Variants in WWOX observed in about 807,000 individuals in gnomAD.
WWOX encodes the protein WW domain-containing oxidoreductase.
A neutral mutation model predicts 46.2 loss-of-function variants in WWOX; 69 were observed. That is an observed-to-expected ratio of 1.49 (90% CI 1.23 to 1.82). WWOX has a LOEUF of 1.82. WWOX is among the 40% of genes most tolerant of loss of function. The pLI is 0.00. For synonymous variants in WWOX, 359 were observed against 202.6 expected (o/e 1.77, Z -6.56); for missense variants, 919 against 542.6 (o/e 1.69, Z -6.89).
At chr16:78,108,118 G>C (rs1597207233) in intron 1 of WWOX, among the ~76,000 whole-genome samples, 1 of 151,546 alleles carries the variant, frequency 6.6e-6, no homozygotes, top group Admixed American at 6.6e-5. Context: ...GGTAGAGACA[G>C]GGTTTCACCA....
chr16:78,225,952 A>G (rs981775014), intron 5 of WWOX, among the ~76,000 whole-genome samples: 1 of 152,230 alleles, frequency 6.6e-6, no homozygotes, highest in Non-Finnish European at 1.5e-5. Flanking sequence ...CTTTAAAAAT[A>G]GTTCTAGTAC....
chr16:78,660,154 A>G (rs892616083), intron 8 of WWOX, among the ~76,000 whole-genome samples: 7 of 152,044 alleles, frequency 4.6e-5, no homozygotes, highest in African/African-American at 7.2e-5. Flanking sequence ...TCTGTTTACT[A>G]TTGTGGACTG....
intron 8 of WWOX, among the ~76,000 whole-genome samples, chr16:78,970,332 T>C (rs12716865): frequency 0.64 from 98,055 of 152,082 alleles, 31,886 homozygotes; most frequent in African/African-American, 0.72. Context: ...CATTTGGACT[T>C]TCTCTAGTTC....
chr16:78,183,202 C>T (rs559168991), intron 5 of WWOX, among the ~76,000 whole-genome samples: 1 of 152,152 alleles, frequency 6.6e-6, no homozygotes, highest in East Asian at 1.9e-4. Flanking sequence ...TGGAGACAGA[C>T]ACGTAAATTA....
intron 8 of WWOX, among the ~76,000 whole-genome samples, chr16:78,813,549 G>A (rs1221015263): frequency 6.6e-6 from 1 of 152,136 alleles, no homozygotes; most frequent in Non-Finnish European, 1.5e-5. Context: ...TGGCTTTGAT[G>A]TATGTATATG....
intron 8 of WWOX, among the ~76,000 whole-genome samples, chr16:78,557,968 C>T (rs2044347109): frequency 6.6e-6 from 1 of 151,982 alleles, no homozygotes; most frequent in Non-Finnish European, 1.5e-5. Context: ...AAGTGCAGAG[C>T]AGGAATTTCA....
intron 6 of WWOX, among the ~76,000 whole-genome samples, chr16:78,391,291 C>T (rs781406841): frequency 1.6e-4 from 25 of 152,292 alleles, no homozygotes; most frequent in Middle Eastern, 3.4e-3. Context: ...TTATGCAAGG[C>T]AGTGTGCTAA....
At chr16:78,304,484 C>G (rs919874072) in intron 5 of WWOX, among the ~76,000 whole-genome samples, 28 of 152,140 alleles carry the variant, frequency 1.8e-4, no homozygotes, top group Non-Finnish European at 7.3e-5. Context: ...TCCAGCACAC[C>G]CATAGTGCTA....
chr16:78,704,528 C>T (rs1452720458), intron 8 of WWOX, among the ~76,000 whole-genome samples: 2 of 152,174 alleles, frequency 1.3e-5, no homozygotes, highest in African/African-American at 4.8e-5. Context: ...GACTTAGTAT[C>T]TGTTGCAGCT....
intron 8 of WWOX, among the ~76,000 whole-genome samples, chr16:79,191,202 T>G (rs1167650447): frequency 6.6e-6 from 1 of 152,110 alleles, no homozygotes; most frequent in Non-Finnish European, 1.5e-5. Flanking sequence ...TACAGGCACC[T>G]GCCACCACAC....
At chr16:78,963,749 A>T (rs2046315553) in intron 8 of WWOX, among the ~76,000 whole-genome samples, 1 of 152,232 alleles carries the variant, frequency 6.6e-6, no homozygotes, top group Admixed American at 6.5e-5. Flanking sequence ...TTTAAGATAC[A>T]GAAAGTGGGC....
At chr16:78,518,545 TACTC>T (rs745745430) in intron 8 of WWOX, among the ~76,000 whole-genome samples, 37 of 152,212 alleles carry the variant, frequency 2.4e-4, no homozygotes, top group Non-Finnish European at 4.7e-4. Flanking sequence ...TTATATAACA[TACTC>T]ACAGCTCCCT....
At chr16:78,471,876 AT>A (rs934686381) in intron 8 of WWOX, among the ~76,000 whole-genome samples, 15 of 151,608 alleles carry the variant, frequency 9.9e-5, no homozygotes, top group Middle Eastern at 3.4e-3. Flanking sequence ...CCAATTTGCA[AT>A]TTTTTTTTCT....
intron 6 of WWOX, among the ~76,000 whole-genome samples, chr16:78,423,171 C>T (rs183251736): frequency 1.4e-3 from 218 of 152,218 alleles, no homozygotes; most frequent in African/African-American, 4.8e-3. Flanking sequence ...AGGCGTGAGC[C>T]GCCATGCCTG....
At position 79,212,491 on chromosome 16, in the gene WWOX, G is replaced by A. The variant is rs1166561208; in HGVS notation, c.*695G>A. The A allele has an allele frequency of 9.1e-6, 2 of 218,938 alleles. No individual in the cohort carries two copies. Among genetic ancestry groups the A allele is most frequent in the Non-Finnish European group, 1.8e-5 (2 of 108,506 alleles). 13.6% of individuals were successfully genotyped at this position (218,938 alleles called of 1,614,324 possible). On this transcript the variant is annotated 3_prime_UTR_variant, in exon 9 of 9. Coordinates refer to ENST00000566780, the MANE Select transcript of WWOX (RefSeq NM_016373.4). The stretch of plus-strand genomic sequence containing the variant: ...ATTCCTTAGATACCTTGAAAGGCAG[G>A]AAGGGAAGCGTATATACTTAAGAAT...
At chr16:78,413,300 C>G (rs142563657) in intron 6 of WWOX, among the ~76,000 whole-genome samples, 1 of 152,226 alleles carries the variant, frequency 6.6e-6, no homozygotes, top group African/African-American at 2.4e-5. Context: ...AAGAGACCAC[C>G]AAACAGGGTT....
At chr16:78,490,102 C>G (rs2084741426) in intron 8 of WWOX, among the ~76,000 whole-genome samples, 1 of 151,236 alleles carries the variant, frequency 6.6e-6, no homozygotes, top group Non-Finnish European at 1.5e-5. Context: ...TTATTTTTAA[C>G]ACTAAACGAT....
intron 8 of WWOX, among the ~76,000 whole-genome samples, chr16:78,507,870 G>T (rs1440681935): frequency 1.3e-5 from 2 of 152,098 alleles, no homozygotes; most frequent in African/African-American, 2.4e-5. Flanking sequence ...CCCCCGGGTC[G>T]CATGTGGCCC....
intron 5 of WWOX, among the ~76,000 whole-genome samples, chr16:78,226,370 T>C (rs2037054147): frequency 6.6e-6 from 1 of 152,104 alleles, no homozygotes; most frequent in Non-Finnish European, 1.5e-5. Flanking sequence ...ATGTATACTC[T>C]GGCAGAAAAA....
Sources: allele counts gnomAD v4.1 joint callset (sites outside exome capture counted in the v4.1 genomes callset), GRCh38; gene constraint gnomAD v4.1.1; transcripts MANE v1.5; gene names NCBI Gene and HGNC (gene_info 2026-07-23, HGNC 2026-07-21).